Variants in ATXN10 observed in about 807,000 individuals in gnomAD.
The protein encoded by ATXN10 is ataxin 10, also known as ataxin-10.
Under a neutral mutation model 52.9 loss-of-function variants are expected in ATXN10, and 28 were observed. The ratio of observed to expected loss-of-function variants is 0.53; its 90% CI spans 0.39 to 0.73. ATXN10 has a LOEUF of 0.73. Ranked by LOEUF, ATXN10 falls within the 30% of genes least tolerant of loss-of-function variation. ATXN10 has a pLI of 0.00. For missense variants in ATXN10, 565 were observed against 577.0 expected, an observed-to-expected ratio of 0.98 and a Z score of 0.21; for synonymous variants, 226 against 221.5, an observed-to-expected ratio of 1.02 and a Z score of -0.18.
chr22:45,723,962 A>T (rs1028289662), intron 6 of ATXN10, among the ~76,000 whole-genome samples: 1 of 152,066 alleles, frequency 6.6e-6, no homozygotes, highest in African/African-American at 2.4e-5. Flanking sequence ...AAAAAAAAAA[A>T]AAATAAAAGG....
rs1928574310 is a variant in ATXN10, at chr22:45,819,317, A to G, written c.1237+12295A>G. Among the ~76,000 whole-genome samples, 1 of 152,218 alleles carries G rather than the reference A, an allele frequency of 6.6e-6. No homozygotes were observed. Among genetic ancestry groups the G allele is most frequent in the Non-Finnish European group, 1.5e-5 (1 of 68,044 alleles). ...ATCTGATGTATAAGATCAGATCATA[A>G]GCCTAAAGTAGCCTAAAGTATCAGC... is the stretch of plus-strand genomic sequence containing the variant. On this transcript the variant is annotated intron_variant, in intron 10 of 11. Transcript: ENST00000252934. The surrounding 1 kb of genome is among the most constrained non-coding windows in gnomAD (Gnocchi z 4.5).
chr22:45,801,050 G>A (rs1263216455), intron 9 of ATXN10, among the ~76,000 whole-genome samples: 1 of 152,208 alleles, frequency 6.6e-6, no homozygotes, highest in Non-Finnish European at 1.5e-5. Context: ...AGAAAACGAA[G>A]CACCAAAGGG....
intron 5 of ATXN10, among the ~76,000 whole-genome samples, chr22:45,703,346 G>T (rs73441158): frequency 6.6e-6 from 1 of 152,154 alleles, no homozygotes; most frequent in Admixed American, 6.5e-5. Flanking sequence ...CTTTTCAGAG[G>T]TTAATTATGG....
intron 10 of ATXN10, among the ~76,000 whole-genome samples, chr22:45,831,008 A>G (rs961548626): frequency 2.0e-5 from 3 of 152,182 alleles, no homozygotes; most frequent in South Asian, 4.1e-4. Context: ...TGGCCTCTAC[A>G]TTTACTGAAA....
At chr22:45,807,208 A>G in intron 10 of ATXN10, 186 bp downstream of exon 10, 1 of 685,708 alleles carries the variant, frequency 1.5e-6, no homozygotes, top group South Asian at 1.6e-5. Flanking sequence ...CCTTTGTAGT[A>G]TGGTAAGCTA....
chr22:45,778,255 A>C (rs1927029038), intron 9 of ATXN10, among the ~76,000 whole-genome samples: 1 of 152,138 alleles, frequency 6.6e-6, no homozygotes, highest in African/African-American at 2.4e-5. Flanking sequence ...TCCCCTATTA[A>C]TGTCATTTAT....
At chr22:45,838,210 T>G (rs1202516590) in intron 10 of ATXN10, among the ~76,000 whole-genome samples, 2 of 152,240 alleles carry the variant, frequency 1.3e-5, no homozygotes, top group Non-Finnish European at 2.9e-5. Context: ...TCTTCTCCCC[T>G]GCTAATATCT....
Position 45,833,901 on chromosome 22 carries a change from G to T in ATXN10, c.1238-9090G>T, listed in dbSNP as rs1390270358. On this transcript the variant is annotated intron_variant, in intron 10 of 11. Transcript: ENST00000252934. The surrounding 1 kb of genome is among the most constrained non-coding windows in gnomAD (Gnocchi z 4.3). ...GGGGAGCGGATGCCAGAGCCTGACTGCCTACTTCCAAATCCACCTTGAACA... is the reference window on the plus strand; with the variant it reads ...GGGGAGCGGATGCCAGAGCCTGACTTCCTACTTCCAAATCCACCTTGAACA... Among the ~76,000 whole-genome samples the T allele has an allele frequency of 1.3e-5, 2 of 152,160 alleles. No homozygotes were observed. Among genetic ancestry groups the T allele is most frequent in the Non-Finnish European group, 2.9e-5 (2 of 68,034 alleles).
chr22:45,817,042 C>T (rs1219067884), intron 10 of ATXN10, among the ~76,000 whole-genome samples: 4 of 152,218 alleles, frequency 2.6e-5, no homozygotes, highest in Non-Finnish European at 2.9e-5. Context: ...ATGCCAGGAG[C>T]GCCTGCTCTG....
rs2146916086 is a variant in ATXN10, at chr22:45,837,134, T to TAACAG, written c.1238-5856_1238-5855insACAGA. ...TATTACATATAATATATGTATCTGT[T>TAACAG]ATACAGATATTATAAATAAAGTCCA... On this transcript the variant is annotated intron_variant, in intron 10 of 11. Coordinates refer to ENST00000252934, the MANE Select transcript of ATXN10 (RefSeq NM_013236.4). This position sits in a 1 kb window ranked among gnomAD's most constrained non-coding sequence, Gnocchi z 5.8. Among the ~76,000 whole-genome samples the TAACAG allele has an allele frequency of 6.6e-6, 1 of 152,354 alleles. No individual in the cohort carries two copies. The highest frequency in any genetic ancestry group is 2.1e-4 in the South Asian group (1 of 4,826).
chr22:45,833,377 A>G lies in ATXN10; in HGVS notation c.1238-9614A>G, dbSNP rs1366627788. The stretch of plus-strand genomic sequence containing the variant: ...ATGCCCAGACACTGGTGTGTACAGC[A>G]TAAGAGCGCTCCTTGACTCCTCAGG... On this transcript the variant is annotated intron_variant, in intron 10 of 11. Coordinates refer to ENST00000252934, the MANE Select transcript of ATXN10 (RefSeq NM_013236.4). The surrounding 1 kb of genome is among the most constrained non-coding windows in gnomAD (Gnocchi z 4.3). Among the ~76,000 whole-genome samples, 2 of 152,232 alleles carry G rather than the reference A, an allele frequency of 1.3e-5. No individual in the cohort carries two copies. The highest frequency in any genetic ancestry group is 2.4e-5 in the African/African-American group (1 of 41,460).
intron 3 of ATXN10, among the ~76,000 whole-genome samples, chr22:45,697,698 C>T (rs190877303): frequency 4.5e-4 from 69 of 152,256 alleles, no homozygotes; most frequent in Admixed American, 3.7e-3. Flanking sequence ...GGGGCGATCT[C>T]GGCTCACTGC....
At chr22:45,734,103 A>G (rs1178131233) in intron 7 of ATXN10, among the ~76,000 whole-genome samples, 1 of 152,058 alleles carries the variant, frequency 6.6e-6, no homozygotes, top group African/African-American at 2.4e-5. Context: ...CTTTACAAAT[A>G]ATGTTATAGT....
At chr22:45,680,558 G>A (rs1922879993) in intron 1 of ATXN10, among the ~76,000 whole-genome samples, 1 of 151,828 alleles carries the variant, frequency 6.6e-6, no homozygotes, top group African/African-American at 2.4e-5. Flanking sequence ...TTTGAGATAG[G>A]GTCTCACTGT....
rs145177046 is a variant in ATXN10, at chr22:45,684,384, C to T, written c.117-5328C>T. On this transcript the variant is annotated intron_variant, in intron 1 of 11. Transcript: ENST00000252934. This position sits in a 1 kb window ranked among gnomAD's most constrained non-coding sequence, Gnocchi z 4.1. Reference sequence around the variant, plus strand: ...GGGAGAGGACTGGTATGTTTGGAGCCCTTTAAAGCAGGGGTTGCCAGACCA... The same window carrying T: ...GGGAGAGGACTGGTATGTTTGGAGCTCTTTAAAGCAGGGGTTGCCAGACCA... Among the ~76,000 whole-genome samples, 1 of 151,996 alleles carries T rather than the reference C, an allele frequency of 6.6e-6. No individual in the cohort carries two copies. Among genetic ancestry groups the T allele is most frequent in the East Asian group, 1.9e-4 (1 of 5,180 alleles).
chr22:45,704,125 CT>C (rs56862831), intron 5 of ATXN10: 12,359 of 140,530 alleles, frequency 0.088, 585 homozygotes, highest in Middle Eastern at 0.16. Flanking sequence ...CTGTTCAGTG[CT>C]TTTTTTTTTT....
At chr22:45,694,614 T>A (rs891966458) in intron 3 of ATXN10, among the ~76,000 whole-genome samples, 5 of 151,980 alleles carry the variant, frequency 3.3e-5, no homozygotes, top group African/African-American at 1.2e-4. Flanking sequence ...AAACCCCCTC[T>A]CTACTAAAAA....
Position 45,770,086 on chromosome 22 carries a change from TTA to T in ATXN10, c.1173+29550_1173+29551del, listed in dbSNP as rs1926723827. On this transcript the variant is annotated intron_variant, in intron 9 of 11. Transcript: ENST00000252934. This position sits in a 1 kb window ranked among gnomAD's most constrained non-coding sequence, Gnocchi z 4.5. ...ATGGCTACTGTTTCTTGAGAAATGATTATGTGTCAAGCTCTGTGCTTTCTGTA... is the reference window on the plus strand; with the variant it reads ...ATGGCTACTGTTTCTTGAGAAATGATTGTGTCAAGCTCTGTGCTTTCTGTA... Among the ~76,000 whole-genome samples, 2 of 151,266 alleles carry T rather than the reference TTA, an allele frequency of 1.3e-5. No homozygotes were observed. The highest frequency in any genetic ancestry group is 3.0e-5 in the Non-Finnish European group (2 of 67,750).
rs545368509 is a variant in ATXN10, at chr22:45,681,956, C to T, written c.117-7756C>T. On this transcript the variant is annotated intron_variant, in intron 1 of 11. Transcript: ENST00000252934. The surrounding 1 kb of genome is among the most constrained non-coding windows in gnomAD (Gnocchi z 4.2). ...TATCTGTGCCCGTAGCCTGCCTTTG[C>T]TTCTGGTCTGTGGATTAGCGATCTT... Among the ~76,000 whole-genome samples the T allele has an allele frequency of 3.9e-5, 6 of 152,334 alleles. No individual in the cohort carries two copies. The Middle Eastern group carries it at 0.01, about 259-fold the overall frequency.
Sources: allele counts gnomAD v4.1 joint callset (sites outside exome capture counted in the v4.1 genomes callset), GRCh38; gene constraint gnomAD v4.1.1; non-coding constraint Gnocchi (gnomAD v3.1); transcripts MANE v1.5; gene names NCBI Gene and HGNC (gene_info 2026-07-23, HGNC 2026-07-21).